STK3: variants seen among roughly 807,000 people sequenced by gnomAD.
STK3 encodes the protein serine/threonine kinase 3.
In STK3, 41 loss-of-function variants were observed where a neutral mutation model predicts 58.0. That is an observed-to-expected ratio of 0.71 (90% CI 0.55 to 0.92). STK3 has a LOEUF of 0.92. STK3 is among the 40% of genes least tolerant of loss of function. STK3 has a pLI of 0.00. For missense variants in STK3, 479 were observed against 602.7 expected (o/e 0.79, Z 2.15); for synonymous variants, 170 against 191.0 (o/e 0.89, Z 0.91).
intron 2 of STK3, among the ~76,000 whole-genome samples, chr8:98,375,272 A>AC (rs1231007172): frequency 4.7e-3 from 116 of 24,794 alleles, no homozygotes; most frequent in African/African-American, 0.012. Flanking sequence ...AAAAAAAAAC[A>AC]AAAAAAAACA....
At chr8:98,408,248 A>G (rs919226974) in intron 3 of STK3, among the ~76,000 whole-genome samples, 2 of 152,204 alleles carry the variant, frequency 1.3e-5, no homozygotes, top group Admixed American at 6.5e-5. Context: ...TATAGTGAGG[A>G]TGGAATTAAA....
chr8:98,650,606 G>A (rs1218318341), intron 6 of STK3, among the ~76,000 whole-genome samples: 5 of 152,212 alleles, frequency 3.3e-5, no homozygotes, highest in Non-Finnish European at 7.3e-5. Flanking sequence ...GGTGACAGAG[G>A]GCACCTGGAA....
At chr8:98,728,038 T>G (rs1398281021) in intron 4 of STK3, among the ~76,000 whole-genome samples, 1 of 152,174 alleles carries the variant, frequency 6.6e-6, no homozygotes, top group Non-Finnish European at 1.5e-5. Flanking sequence ...AAGCTTCATA[T>G]TCCAACTTCT....
chr8:98,423,773 G>A (rs1818197781), intron 3 of STK3, among the ~76,000 whole-genome samples: 1 of 152,196 alleles, frequency 6.6e-6, no homozygotes, highest in Non-Finnish European at 1.5e-5. Context: ...CAGCCCCCTC[G>A]CCTGTCAGGG....
At chr8:98,357,086 T>A in the STK3 span, among the ~76,000 whole-genome samples, 2 of 152,218 alleles carry the variant, frequency 1.3e-5, no homozygotes, top group Non-Finnish European at 2.9e-5. Context: ...AGAGTCTTTG[T>A]GCTTTTTATT....
At chr8:98,827,905 G>A (rs889020473), upstream of STK3, among the ~76,000 whole-genome samples, 1 of 151,396 alleles carries the variant, frequency 6.6e-6, no homozygotes, top group Admixed American at 6.6e-5. Flanking sequence ...TATTTAAAAT[G>A]TTAAAGCTGA....
intron 6 of STK3, among the ~76,000 whole-genome samples, chr8:98,666,495 A>G (rs767961090): frequency 1.8e-4 from 28 of 152,200 alleles, no homozygotes; most frequent in African/African-American, 3.6e-4. Flanking sequence ...AAATATTTCT[A>G]TAACAGAATA....
intron 9 of STK3, among the ~76,000 whole-genome samples, chr8:98,535,155 A>G (rs1056875278): frequency 6.6e-6 from 1 of 152,186 alleles, no homozygotes; most frequent in African/African-American, 2.4e-5. Context: ...GAGAGAAAAA[A>G]TGGTTTCTTT....
chr8:98,652,406 G>C (rs189487770), intron 6 of STK3, among the ~76,000 whole-genome samples: 41 of 152,298 alleles, frequency 2.7e-4, no homozygotes, highest in Middle Eastern at 3.4e-3. Flanking sequence ...ACCAATGCTA[G>C]GAAGAAACTG....
At chr8:98,464,095 T>C (rs1198866782) in intron 10 of STK3, among the ~76,000 whole-genome samples, 1 of 152,078 alleles carries the variant, frequency 6.6e-6, no homozygotes, top group African/African-American at 2.4e-5. Flanking sequence ...ATTAAAAAAA[T>C]ATGGGTTGCT....
At chr8:98,889,871 C>T (rs568078169) in intron 1 of STK3, 57 of 152,312 alleles carry the variant, frequency 3.7e-4, no homozygotes, top group African/African-American at 1.4e-3. Context: ...AAGAACTGCT[C>T]TCAGAGATTA....
chr8:98,494,435 A>G (rs1278425759), intron 10 of STK3, among the ~76,000 whole-genome samples: 1 of 152,130 alleles, frequency 6.6e-6, no homozygotes, highest in Admixed American at 6.5e-5. Flanking sequence ...CAATGATCTT[A>G]TTGCATTATA....
Position 98,489,645 on chromosome 8 carries a change from C to A in STK3, c.1318-33645G>T, listed in dbSNP as rs117988439. ...AAATTTATTTTTCCACACATTTAGC[C>A]GATTGTACCAACACCAAGATTCCAC... On this transcript the variant is annotated intron_variant, in intron 10 of 10. Coordinates refer to ENST00000419617, the MANE Select transcript of STK3 (RefSeq NM_006281.4). Among the ~76,000 whole-genome samples, 961 of 151,994 alleles carry A rather than the reference C, an allele frequency of 6.3e-3. 9 individuals are homozygous for A. Among genetic ancestry groups the A allele is most frequent in the Non-Finnish European group, 0.011 (737 of 67,962 alleles).
At chr8:98,753,537 G>A (rs1299310265) in intron 3 of STK3, among the ~76,000 whole-genome samples, 2 of 151,936 alleles carry the variant, frequency 1.3e-5, no homozygotes, top group Non-Finnish European at 2.9e-5. Flanking sequence ...CTTAATACCT[G>A]GGTGATAAAA....
chr8:98,664,449 G>A (rs72666675), intron 6 of STK3, among the ~76,000 whole-genome samples: 6,398 of 152,188 alleles, frequency 0.042, 220 homozygotes, highest in Non-Finnish European at 0.055. Context: ...AGAATTGTTT[G>A]CTAAGCTTGA....
intron 2 of STK3, among the ~76,000 whole-genome samples, chr8:98,434,812 GA>G (rs962812485): frequency 2.0e-4 from 30 of 149,568 alleles, no homozygotes; most frequent in African/African-American, 6.6e-4. Flanking sequence ...GGGAAAGAGA[GA>G]AAAAAAAAGA....
chr8:98,795,150 C>G (rs1833070425), intron 1 of STK3, among the ~76,000 whole-genome samples: 1 of 129,532 alleles, frequency 7.7e-6, no homozygotes, highest in Non-Finnish European at 1.6e-5. Flanking sequence ...ACACCAAATC[C>G]AGCAGCACAT....
chr8:98,586,075 G>A (rs1214502622), intron 7 of STK3, among the ~76,000 whole-genome samples: 1 of 152,008 alleles, frequency 6.6e-6, no homozygotes, highest in African/African-American at 2.4e-5. Flanking sequence ...TTTTCTAATT[G>A]AATACCCTTG....
chr8:98,681,737 C>T (rs1373856592), intron 6 of STK3, among the ~76,000 whole-genome samples: 2 of 152,346 alleles, frequency 1.3e-5, no homozygotes, highest in African/African-American at 4.8e-5. Context: ...ACTTCCCATT[C>T]TACCCCTAAA....
Sources: allele counts gnomAD v4.1 joint callset (sites outside exome capture counted in the v4.1 genomes callset), GRCh38; gene constraint gnomAD v4.1.1; transcripts MANE v1.5; gene names NCBI Gene and HGNC (gene_info 2026-07-23, HGNC 2026-07-21).